RPA3: variants seen among roughly 807,000 people sequenced by gnomAD.
The protein encoded by RPA3 is replication protein A 14 kDa subunit.
A neutral mutation model predicts 13.7 loss-of-function variants in RPA3; 24 were observed. That is an observed-to-expected ratio of 1.75 (90% CI 1.27 to 2.46). RPA3 has a LOEUF of 2.46. RPA3 is among the 30% of genes most tolerant of loss of function. The pLI, the probability that RPA3 is intolerant of heterozygous loss-of-function variation, is 0.00. For missense variants in RPA3, 183 were observed against 151.0 expected, an observed-to-expected ratio of 1.21 and a Z score of -1.11; for synonymous variants, 59 against 51.2, an observed-to-expected ratio of 1.15 and a Z score of -0.65.
At chr7:7,711,604 A>G (rs1345214211) in intron 2 of RPA3, among the ~76,000 whole-genome samples, 1 of 152,126 alleles carries the variant, frequency 6.6e-6, no homozygotes, top group Non-Finnish European at 1.5e-5. Context: ...TTTATAATGG[A>G]ATTGGACATT....
chr7:7,697,494 T>C (rs1425166083), intron 2 of RPA3, among the ~76,000 whole-genome samples: 6 of 152,230 alleles, frequency 3.9e-5, no homozygotes, highest in Non-Finnish European at 7.3e-5. Flanking sequence ...GTAAAATTCA[T>C]TTTGAAATAT....
intron 4 of RPA3, among the ~76,000 whole-genome samples, chr7:7,667,654 A>T (rs138276367): frequency 6.0e-4 from 91 of 152,330 alleles, no homozygotes; most frequent in African/African-American, 2.0e-3. Context: ...CAGGTAGTAA[A>T]TGTCTTCACA....
rs1780712202 is a variant in RPA3, at chr7:7,710,002, A to G, written c.-1028+5173T>C. Among the ~76,000 whole-genome samples, 4 of 152,204 alleles carry G rather than the reference A, an allele frequency of 2.6e-5. No homozygotes were observed. In the South Asian group the frequency reaches 8.3e-4, roughly 31 times the overall value. ...ATATTTTTCATATGTGTAGTTTTGTATGTTTTACAACCATATATAAATCGA... is the reference window on the plus strand; with the variant it reads ...ATATTTTTCATATGTGTAGTTTTGTGTGTTTTACAACCATATATAAATCGA... On this transcript the variant is annotated intron_variant, in intron 2 of 7. Coordinates refer to ENST00000223129, the MANE Select transcript of RPA3 (RefSeq NM_002947.5).
At chr7:7,641,772 T>C (rs1366271757) in intron 4 of RPA3, 1 of 152,186 alleles carries the variant, frequency 6.6e-6, no homozygotes, top group Non-Finnish European at 1.5e-5. Context: ...AGTCTGTGAA[T>C]TGGCCCAAAG....
chr7:7,697,779 A>T (rs1164003370), intron 2 of RPA3, among the ~76,000 whole-genome samples: 1 of 152,158 alleles, frequency 6.6e-6, no homozygotes. Flanking sequence ...CCTTGTCATT[A>T]TGCCTCTTTT....
chr7:7,674,477 G>C (rs1317496500), intron 4 of RPA3, among the ~76,000 whole-genome samples: 2 of 152,210 alleles, frequency 1.3e-5, no homozygotes, highest in Admixed American at 1.3e-4. Flanking sequence ...TGGCAGGCCT[G>C]TTGTTTTTGA....
At chr7:7,683,078 TGAAG>T (rs1779952586) in intron 4 of RPA3, among the ~76,000 whole-genome samples, 2 of 152,150 alleles carry the variant, frequency 1.3e-5, no homozygotes, top group African/African-American at 4.8e-5. Context: ...GGCAATTGCA[TGAAG>T]GAAGAGGAGA....
At chr7:7,649,073 GCTTGAAC>G (rs2115548246) in intron 4 of RPA3, among the ~76,000 whole-genome samples, 1 of 145,318 alleles carries the variant, frequency 6.9e-6, no homozygotes, top group East Asian at 2.1e-4. Context: ...CAGGAGAATC[GCTTGAAC>G]CCAGGAAGTG....
intron 5 of RPA3, chr7:7,640,014 A>G: frequency 2.6e-6 from 1 of 378,798 alleles, no homozygotes; most frequent in Non-Finnish European, 4.8e-6. Flanking sequence ...GAGTAAACTA[A>G]GAAATCTGAA....
chr7:7,671,804 A>C (rs1779611846), intron 4 of RPA3, among the ~76,000 whole-genome samples: 1 of 152,032 alleles, frequency 6.6e-6, no homozygotes, highest in Admixed American at 6.6e-5. Context: ...AACTGTTTTC[A>C]AACTTTTCTT....
chr7:7,688,985 G>A (rs1563124261), intron 2 of RPA3, among the ~76,000 whole-genome samples: 1 of 152,128 alleles, frequency 6.6e-6, no homozygotes, highest in Non-Finnish European at 1.5e-5. Flanking sequence ...TTATATAAAT[G>A]CAAATTAGTA....
intron 4 of RPA3, among the ~76,000 whole-genome samples, chr7:7,682,416 A>G (rs533895557): frequency 6.6e-6 from 1 of 152,068 alleles, no homozygotes; most frequent in Non-Finnish European, 1.5e-5. Flanking sequence ...ACATATACAT[A>G]CTTCATTTAA....
intron 4 of RPA3, among the ~76,000 whole-genome samples, chr7:7,668,912 C>T (rs1465234089): frequency 6.6e-6 from 1 of 152,148 alleles, no homozygotes; most frequent in Non-Finnish European, 1.5e-5. Context: ...GGCACTCACA[C>T]ACCCACCCAC....
chr7:7,654,278 G>A (rs527509337), intron 4 of RPA3, among the ~76,000 whole-genome samples: 1 of 152,316 alleles, frequency 6.6e-6, no homozygotes, highest in South Asian at 2.1e-4. Flanking sequence ...TTTGACGTCT[G>A]TTTTACCCAA....
At chr7:7,678,777 ATATATT>A (rs1321372233) in intron 4 of RPA3, among the ~76,000 whole-genome samples, 92 of 9,630 alleles carry the variant, frequency 9.6e-3, no homozygotes, top group East Asian at 0.02. Context: ...TAGTTTATAA[ATATATT>A]TATATATTTA....
chr7:7,714,734 G>A (rs79061489), intron 2 of RPA3, among the ~76,000 whole-genome samples: 12,597 of 152,124 alleles, frequency 0.083, 613 homozygotes, highest in Non-Finnish European at 0.098. Flanking sequence ...AACCTTCCTG[G>A]GGGAAGGTTA....
At chr7:7,687,064 T>C (rs1780057400) in intron 3 of RPA3, among the ~76,000 whole-genome samples, 164 bp downstream of exon 3, 1 of 152,242 alleles carries the variant, frequency 6.6e-6, no homozygotes, top group Admixed American at 6.5e-5. Flanking sequence ...ACTTCCTTTA[T>C]GTGAGACACA....
intron 4 of RPA3, among the ~76,000 whole-genome samples, chr7:7,645,020 A>G (rs551612864): frequency 1.3e-5 from 2 of 152,282 alleles, no homozygotes; most frequent in Admixed American, 1.3e-4. Context: ...TTTAGCTTAG[A>G]TTTATTCCTA....
At chr7:7,685,175 G>A (rs923548607) in intron 4 of RPA3, among the ~76,000 whole-genome samples, 22 of 152,050 alleles carry the variant, frequency 1.4e-4, no homozygotes, top group African/African-American at 5.3e-4. Context: ...AGACCTGAAT[G>A]TCTTTCTGGT....
Sources: gnomAD v4.1 joint callset for allele counts (sites outside exome capture counted in the v4.1 genomes callset) on GRCh38, gnomAD v4.1.1 for gene constraint, MANE v1.5 for transcripts, NCBI Gene and HGNC (gene_info 2026-07-23, HGNC 2026-07-21) for gene names.